Variants in KIRREL3 observed in about 807,000 individuals in gnomAD.
The protein encoded by KIRREL3 is kin of IRRE-like protein 3.
In KIRREL3, 36 loss-of-function variants were observed where a neutral mutation model predicts 89.7. The observed-to-expected ratio is 0.40, with a 90% CI of 0.31 to 0.53. The LOEUF (loss-of-function observed/expected upper bound fraction) is 0.53. Ranked by LOEUF, KIRREL3 falls within the 20% of genes least tolerant of loss-of-function variation. KIRREL3 has a pLI of 0.49. For synonymous variants in KIRREL3, 445 were observed against 441.4 expected, an observed-to-expected ratio of 1.01 and a Z score of -0.10; for missense variants, 864 against 1,056.6, an observed-to-expected ratio of 0.82 and a Z score of 2.53.
rs553394935 is a variant in KIRREL3 at position 126,608,018 on chromosome 11, C to T, written c.56-45106G>A. Among the ~76,000 whole-genome samples, 9 of 152,244 alleles carry T rather than the reference C, an allele frequency of 5.9e-5. No individual in the cohort carries two copies. The highest frequency in any genetic ancestry group is 2.1e-4 in the South Asian group (1 of 4,826). On this transcript the variant is annotated intron_variant, in intron 1 of 16. Coordinates refer to ENST00000525144, the MANE Select transcript of KIRREL3 (RefSeq NM_032531.4). This position sits in a 1 kb window ranked among gnomAD's most constrained non-coding sequence, Gnocchi z 4.9. ...CTCCAGGGCCTTTCTCATCATCTCCCGTGCCTGCCGTGCTGTCTCTTACCA... is the reference window on the plus strand; with the variant it reads ...CTCCAGGGCCTTTCTCATCATCTCCTGTGCCTGCCGTGCTGTCTCTTACCA...
chr11:126,731,590 A>G (rs2134196053), intron 1 of KIRREL3, among the ~76,000 whole-genome samples: 1 of 152,342 alleles, frequency 6.6e-6, no homozygotes, highest in Middle Eastern at 3.4e-3. Context: ...GAATGCACAC[A>G]GGAAGAAAGC....
In KIRREL3 at chr11:126,805,599, T is replaced by C. The variant is rs914069582; in HGVS notation, c.55+194856A>G. Among the ~76,000 whole-genome samples, 1 of 152,228 alleles carries C rather than the reference T, an allele frequency of 6.6e-6. No homozygotes were observed. The highest frequency in any genetic ancestry group is 1.5e-5 in the Non-Finnish European group (1 of 68,034). On this transcript the variant is annotated intron_variant, in intron 1 of 16. Transcript: ENST00000525144. This position sits in a 1 kb window ranked among gnomAD's most constrained non-coding sequence, Gnocchi z 4.3. ...AATAAATTAAACAAGGCTTTTCCAC[T>C]CTATCATCTTGTCACCTGAAGAACA...
chr11:126,852,701 ATGTGT>A (rs1944383209), intron 1 of KIRREL3, among the ~76,000 whole-genome samples: 1 of 152,234 alleles, frequency 6.6e-6, no homozygotes, highest in East Asian at 1.9e-4. Context: ...AGCTGAAAAC[ATGTGT>A]TGTGCTTTTA....
chr11:126,593,536 C>T (rs536331917), intron 1 of KIRREL3, among the ~76,000 whole-genome samples: 3 of 152,290 alleles, frequency 2.0e-5, no homozygotes, highest in Non-Finnish European at 2.9e-5. Context: ...AATGAACACC[C>T]GGCTGGACCT....
rs777985636 is a variant in KIRREL3, at chr11:126,764,394, C to T, written c.56-201482G>A. Among the ~76,000 whole-genome samples the T allele has an allele frequency of 3.5e-4, 53 of 152,308 alleles. 1 individual carries two copies. In the Middle Eastern group the frequency reaches 0.01, roughly 29 times the overall value. On this transcript the variant is annotated intron_variant, in intron 1 of 16. Coordinates refer to ENST00000525144, the MANE Select transcript of KIRREL3 (RefSeq NM_032531.4). This position sits in a 1 kb window ranked among gnomAD's most constrained non-coding sequence, Gnocchi z 4.2. Reference sequence around the variant, plus strand: ...TGCATCGAATGGAAGCTACACATTTCTGTCCTAGAGATAGGTGGCAGTGTG... The same window carrying T: ...TGCATCGAATGGAAGCTACACATTTTTGTCCTAGAGATAGGTGGCAGTGTG...
At chr11:126,968,736 T>G (rs935038059) in intron 1 of KIRREL3, among the ~76,000 whole-genome samples, 1 of 152,176 alleles carries the variant, frequency 6.6e-6, no homozygotes, top group East Asian at 1.9e-4. Context: ...CCCCTTTTGG[T>G]CACTCAATCC....
intron 1 of KIRREL3, among the ~76,000 whole-genome samples, chr11:126,738,932 C>T (rs1314024718): frequency 2.0e-5 from 3 of 152,214 alleles, no homozygotes; most frequent in Non-Finnish European, 2.9e-5. Flanking sequence ...AAAGCATCTT[C>T]GGTGATCAAA....
intron 1 of KIRREL3, among the ~76,000 whole-genome samples, chr11:126,619,057 T>C (rs1382667396): frequency 6.6e-6 from 1 of 152,036 alleles, no homozygotes; most frequent in Non-Finnish European, 1.5e-5. Flanking sequence ...TAACAAAGAG[T>C]TTCAGGTGCT....
At chr11:126,756,212 A>G (rs1387660119) in intron 1 of KIRREL3, among the ~76,000 whole-genome samples, 1 of 152,366 alleles carries the variant, frequency 6.6e-6, no homozygotes, top group African/African-American at 2.4e-5. Context: ...ATCATTCAAA[A>G]TAAGATTCCC....
intron 1 of KIRREL3, among the ~76,000 whole-genome samples, chr11:126,604,162 C>G (rs1942785648): frequency 6.6e-6 from 1 of 152,126 alleles, no homozygotes; most frequent in Admixed American, 6.5e-5. Context: ...GATGAATAAG[C>G]AATAGCTTCT....
intron 1 of KIRREL3, among the ~76,000 whole-genome samples, chr11:126,700,641 A>C (rs879284502): frequency 2.6e-5 from 4 of 152,196 alleles, no homozygotes; most frequent in South Asian, 4.1e-4. Flanking sequence ...CCCCATTCTT[A>C]GAAGGCTGGG....
rs971051503 is a variant in KIRREL3 at position 126,916,829 on chromosome 11, G to C, written c.55+83626C>G. Reference sequence around the variant, plus strand: ...CACATATGCACCTGCAGAAAGAAAGGGGTTAGAAGGGTGATGTGCCTAGTC... The same window carrying C: ...CACATATGCACCTGCAGAAAGAAAGCGGTTAGAAGGGTGATGTGCCTAGTC... On this transcript the variant is annotated intron_variant, in intron 1 of 16. Coordinates refer to ENST00000525144, the MANE Select transcript of KIRREL3 (RefSeq NM_032531.4). 2.0e-5 allele frequency among the ~76,000 whole-genome samples: 3 copies of C among 152,148 alleles called. No homozygotes were observed. The South Asian group carries it at 6.2e-4, about 32-fold the overall frequency.
chr11:126,662,630 A>G (rs1338300102), intron 1 of KIRREL3, among the ~76,000 whole-genome samples: 2 of 152,198 alleles, frequency 1.3e-5, no homozygotes, highest in South Asian at 2.1e-4. Context: ...AGGAAGTCTC[A>G]TAGCCTGATC....
rs1009792841 is a variant in KIRREL3, at chr11:126,564,618, C to A, written c.56-1706G>T. ...CAAACGGTCTTACATCTCAGGCACCCAAATTGACGATGTTAAGTTCCCTCA... is the reference window on the plus strand; with the variant it reads ...CAAACGGTCTTACATCTCAGGCACCAAAATTGACGATGTTAAGTTCCCTCA... On this transcript the variant is annotated intron_variant, in intron 1 of 16. Coordinates refer to ENST00000525144, the MANE Select transcript of KIRREL3 (RefSeq NM_032531.4). The surrounding 1 kb of genome is among the most constrained non-coding windows in gnomAD (Gnocchi z 7.4). Among the ~76,000 whole-genome samples, 1 of 152,222 alleles carries A rather than the reference C, an allele frequency of 6.6e-6. No individual in the cohort carries two copies. Among genetic ancestry groups the A allele is most frequent in the Non-Finnish European group, 1.5e-5 (1 of 68,042 alleles).
intron 1 of KIRREL3, among the ~76,000 whole-genome samples, chr11:126,792,533 C>T (rs770154943): frequency 2.0e-5 from 3 of 152,128 alleles, no homozygotes; most frequent in Non-Finnish European, 4.4e-5. Flanking sequence ...TGTCTAATGG[C>T]CCAGCAATTC....
At chr11:126,631,122 T>C (rs573375312) in intron 1 of KIRREL3, among the ~76,000 whole-genome samples, 1 of 61,718 alleles carries the variant, frequency 1.6e-5, no homozygotes, top group South Asian at 5.2e-4. Context: ...TCTGTATGTA[T>C]GTATTCATTC....
At chr11:126,810,515 T>C (rs1238481705) in intron 1 of KIRREL3, among the ~76,000 whole-genome samples, 2 of 152,178 alleles carry the variant, frequency 1.3e-5, no homozygotes, top group Non-Finnish European at 2.9e-5. Context: ...TTCCAAGCTC[T>C]AACATGCTCC....
In KIRREL3 at chr11:126,985,081, G is replaced by A. The variant is rs1565478718; in HGVS notation, c.55+15374C>T. Among the ~76,000 whole-genome samples the A allele has an allele frequency of 6.6e-6, 1 of 152,178 alleles. No homozygotes were observed. Among genetic ancestry groups the A allele is most frequent in the South Asian group, 2.1e-4 (1 of 4,824 alleles). The stretch of plus-strand genomic sequence containing the variant: ...CTATGAAATACTATACACATGCAAG[G>A]AAGGATTAAATTATTATCACCTTTT... On this transcript the variant is annotated intron_variant, in intron 1 of 16. Coordinates refer to ENST00000525144, the MANE Select transcript of KIRREL3 (RefSeq NM_032531.4). The surrounding 1 kb of genome is among the most constrained non-coding windows in gnomAD (Gnocchi z 5.3).
intron 1 of KIRREL3, among the ~76,000 whole-genome samples, chr11:126,824,617 A>T (rs1943341899): frequency 6.6e-6 from 1 of 152,244 alleles, no homozygotes; most frequent in African/African-American, 2.4e-5. Flanking sequence ...AGAAATTTTT[A>T]AAAGGTGTGG....
Sources: allele counts gnomAD v4.1 joint callset (sites outside exome capture counted in the v4.1 genomes callset), GRCh38; gene constraint gnomAD v4.1.1; non-coding constraint Gnocchi (gnomAD v3.1); transcripts MANE v1.5; gene names NCBI Gene and HGNC (gene_info 2026-07-23, HGNC 2026-07-21).